The following SLC25A33 variants were observed in gnomAD, a reference collection of about 807,000 sequenced individuals.
SLC25A33 encodes bone marrow stromal cell mitochondrial carrier protein.
In SLC25A33, 15 loss-of-function variants were observed where a neutral mutation model predicts 35.5. The ratio of observed to expected loss-of-function variants is 0.42; its 90% CI spans 0.28 to 0.65. SLC25A33 has a LOEUF of 0.65. Among genes scored for constraint, SLC25A33 ranks in the 30% least tolerant of loss-of-function variants. SLC25A33 has a pLI of 0.20. For missense variants in SLC25A33, 257 were observed against 398.5 expected, an observed-to-expected ratio of 0.64 and a Z score of 3.02; for synonymous variants, 136 against 148.7, an observed-to-expected ratio of 0.91 and a Z score of 0.62.
chr1:9,560,347 G>A (rs143331019), intron 2 of SLC25A33, among the ~76,000 whole-genome samples: 1,755 of 151,996 alleles, frequency 0.012, 32 homozygotes, highest in African/African-American at 0.04. Context: ...GGCGGATCAC[G>A]AGGTCAGGAG....
intron 1 of SLC25A33, among the ~76,000 whole-genome samples, chr1:9,546,922 C>A (rs1643180604): frequency 6.6e-6 from 1 of 152,162 alleles, no homozygotes; most frequent in South Asian, 2.1e-4. Context: ...CCAGCAGCAG[C>A]TCCTGGTATT....
intron 2 of SLC25A33, among the ~76,000 whole-genome samples, chr1:9,562,582 C>T (rs1643438374): frequency 1.3e-5 from 2 of 151,816 alleles, no homozygotes; most frequent in South Asian, 4.2e-4. Context: ...GGGCCAGGCA[C>T]AGTGGCTCAT....
At chr1:9,571,171 A>T (rs140217557) in intron 4 of SLC25A33, among the ~76,000 whole-genome samples, 42 of 152,340 alleles carry the variant, frequency 2.8e-4, no homozygotes, top group African/African-American at 9.6e-4. Context: ...GTGACAGCTC[A>T]TAGGGCATCT....
At chr1:9,572,901 CAA>C (rs57308070) in intron 4 of SLC25A33, among the ~76,000 whole-genome samples, 10 of 60,866 alleles carry the variant, frequency 1.6e-4, no homozygotes, top group Non-Finnish European at 2.2e-4. Context: ...CCCGTCTCTA[CAA>C]AAAAAAAAAA....
At chr1:9,542,848 T>C (rs1643105980) in intron 1 of SLC25A33, among the ~76,000 whole-genome samples, 1 of 152,282 alleles carries the variant, frequency 6.6e-6, no homozygotes, top group South Asian at 2.1e-4. Flanking sequence ...AGCCTCACTC[T>C]GTCGCCCAGG....
At chr1:9,579,584 A>G (rs115121242) in intron 5 of SLC25A33, among the ~76,000 whole-genome samples, 1,746 of 152,292 alleles carry the variant, frequency 0.011, 32 homozygotes, top group African/African-American at 0.039. Flanking sequence ...GCCACCCTCC[A>G]GGAGCCTCCA....
chr1:9,563,267 G>A (rs1227008791), intron 2 of SLC25A33, among the ~76,000 whole-genome samples: 1 of 152,170 alleles, frequency 6.6e-6, no homozygotes, highest in Non-Finnish European at 1.5e-5. Flanking sequence ...TCTGTGAATA[G>A]ACATAGTTTT....
intron 1 of SLC25A33, among the ~76,000 whole-genome samples, chr1:9,540,470 TAGG>T (rs898531868): frequency 4.6e-5 from 7 of 152,150 alleles, no homozygotes; most frequent in African/African-American, 1.7e-4. Flanking sequence ...AATGCATTTT[TAGG>T]AGGTTGAGTT....
Position 9,584,160 on chromosome 1 carries a change from A to C in SLC25A33, c.*1659A>C, listed in dbSNP as rs1453292341. On this transcript the variant is annotated 3_prime_UTR_variant, in exon 7 of 7. Coordinates refer to ENST00000302692, the MANE Select transcript of SLC25A33 (RefSeq NM_032315.3). Reference sequence around the variant, plus strand: ...TACATGAAGGTTGGTTTTCAATTTGAACGTCTAGAAAGATACTCATTTCTA... The same window carrying C: ...TACATGAAGGTTGGTTTTCAATTTGCACGTCTAGAAAGATACTCATTTCTA... 6.6e-6 allele frequency: 1 copy of C among 152,220 alleles called. No individual in the cohort carries two copies. Among genetic ancestry groups the C allele is most frequent in the Non-Finnish European group, 1.5e-5 (1 of 68,030 alleles). The allele number at this position is 152,220 out of a possible 1,614,324, so 9.4% of individuals were successfully genotyped here. A position where few individuals can be genotyped will look rare whatever the true frequency, so the allele number is the denominator to read the frequency against.
intron 1 of SLC25A33, among the ~76,000 whole-genome samples, chr1:9,541,782 T>A (rs1235098670): frequency 6.6e-6 from 1 of 151,916 alleles, no homozygotes; most frequent in African/African-American, 2.4e-5. Context: ...GACTTACTGT[T>A]TTTAGTGAGG....
intron 2 of SLC25A33, among the ~76,000 whole-genome samples, chr1:9,561,222 C>T (rs907105666): frequency 3.9e-5 from 6 of 152,098 alleles, no homozygotes; most frequent in African/African-American, 7.2e-5. Context: ...GGATTACAGG[C>T]GTGAGCCACC....
rs1033094630 is a variant in SLC25A33 at position 9,570,700 on chromosome 1, T to C, written c.415+342T>C. Reference sequence around the variant, plus strand: ...ATAGATATAGATAGATAGATAGATATAGTTTTTTTTTTTTTTTTTTTTTTT... The same window carrying C: ...ATAGATATAGATAGATAGATAGATACAGTTTTTTTTTTTTTTTTTTTTTTT... On this transcript the variant is annotated intron_variant, in intron 4 of 6. Coordinates refer to ENST00000302692, the MANE Select transcript of SLC25A33 (RefSeq NM_032315.3). Among the ~76,000 whole-genome samples the C allele has an allele frequency of 7.0e-5, 10 of 143,130 alleles. No homozygotes were observed. In the South Asian group the frequency reaches 8.7e-4, roughly 12 times the overall value. The allele number at this position is 143,130 out of a possible 152,430, so 93.9% of individuals were successfully genotyped here.
chr1:9,582,769 G>C lies in SLC25A33; in HGVS notation c.*268G>C. 1 of 424,632 alleles carries C rather than the reference G, an allele frequency of 2.4e-6. No homozygotes were observed. Among genetic ancestry groups the C allele is most frequent in the Non-Finnish European group, 4.2e-6 (1 of 237,588 alleles). The allele number at this position is 424,632 out of a possible 1,614,324, so 26.3% of individuals were successfully genotyped here. On this transcript the variant is annotated 3_prime_UTR_variant, in exon 7 of 7. Transcript: ENST00000302692. This position sits in a 1 kb window ranked among gnomAD's most constrained non-coding sequence, Gnocchi z 4.0. ...AATTAAATCATGCTATTTAATTTAAGTATACATTTGGCTTGTGTCCTCTTT... is the reference window on the plus strand; with the variant it reads ...AATTAAATCATGCTATTTAATTTAACTATACATTTGGCTTGTGTCCTCTTT...
intron 2 of SLC25A33, among the ~76,000 whole-genome samples, chr1:9,562,893 T>C (rs982486921): frequency 1.3e-5 from 2 of 149,956 alleles, no homozygotes; most frequent in African/African-American, 4.9e-5. Context: ...AACTAAGGTC[T>C]GACTTACTAC....
chr1:9,554,619 A>G (rs1168579239), intron 2 of SLC25A33, among the ~76,000 whole-genome samples: 2 of 151,754 alleles, frequency 1.3e-5, no homozygotes, highest in African/African-American at 2.4e-5. Context: ...TCAGCCTCCC[A>G]AAGTGCTGGG....
chr1:9,564,737 A>ATATATAT (rs1396734975), intron 2 of SLC25A33, among the ~76,000 whole-genome samples: 1 of 72,760 alleles, frequency 1.4e-5, no homozygotes, highest in African/African-American at 6.2e-5. Context: ...AAAAAAAAAA[A>ATATATAT]AAATATATAT....
At chr1:9,564,761 T>TAC (rs1247150933) in intron 2 of SLC25A33, among the ~76,000 whole-genome samples, 94 of 136,992 alleles carry the variant, frequency 6.9e-4, no homozygotes, top group African/African-American at 2.3e-3. Flanking sequence ...TATATATATA[T>TAC]ATATACACAA....
At chr1:9,575,231 A>T (rs986290696) in intron 5 of SLC25A33, among the ~76,000 whole-genome samples, 28 of 151,292 alleles carry the variant, frequency 1.9e-4, no homozygotes, top group Non-Finnish European at 1.8e-4. Flanking sequence ...AAAAAAAAAA[A>T]AAAATAAGAA....
intron 2 of SLC25A33, among the ~76,000 whole-genome samples, chr1:9,557,043 C>T (rs1292230269): frequency 3.9e-5 from 6 of 152,182 alleles, no homozygotes; most frequent in African/African-American, 1.4e-4. Context: ...AAGCGATTCT[C>T]CTTCCTCAGC....
Sources: allele counts gnomAD v4.1 joint callset (sites outside exome capture counted in the v4.1 genomes callset), GRCh38; gene constraint gnomAD v4.1.1; non-coding constraint Gnocchi (gnomAD v3.1); transcripts MANE v1.5; gene names NCBI Gene and HGNC (gene_info 2026-07-23, HGNC 2026-07-21).